Variants in NETO1 observed in about 807,000 individuals in gnomAD.
NETO1 encodes neuropilin and tolloid-like protein 1.
A neutral mutation model predicts 61.3 loss-of-function variants in NETO1; 26 were observed. The ratio of observed to expected loss-of-function variants is 0.42; its 90% confidence interval spans 0.31 to 0.59. The LOEUF is 0.59. NETO1 is among the 20% of genes least tolerant of loss of function. The pLI is 0.12. For missense variants in NETO1, 531 were observed against 662.8 expected (o/e 0.80, Z 2.18); for synonymous variants, 225 against 225.8 (o/e 1.00, Z 0.03).
intron 7 of NETO1, among the ~76,000 whole-genome samples, chr18:72,777,612 G>A (rs937419013): frequency 1.3e-5 from 2 of 151,598 alleles, no homozygotes; most frequent in South Asian, 2.1e-4. Flanking sequence ...GCGTGGTGGC[G>A]GGTGCCTGTA....
chr18:72,863,746 C>T (rs1227393040), intron 3 of NETO1, among the ~76,000 whole-genome samples: 1 of 151,958 alleles, frequency 6.6e-6, no homozygotes, highest in Non-Finnish European at 1.5e-5. Flanking sequence ...TAAATGTGTC[C>T]CCATTTATAA....
chr18:72,852,430 T>G (rs982563407), intron 4 of NETO1, among the ~76,000 whole-genome samples: 2 of 152,224 alleles, frequency 1.3e-5, no homozygotes, highest in Non-Finnish European at 2.9e-5. Context: ...TTAGCCACGA[T>G]GGTCTCCATC....
chr18:72,814,908 C>T (rs1366646483), intron 4 of NETO1, among the ~76,000 whole-genome samples: 1 of 151,470 alleles, frequency 6.6e-6, no homozygotes, highest in Non-Finnish European at 1.5e-5. Context: ...AAATCTACCA[C>T]CATAGGGACA....
Position 72,750,605 on chromosome 18 carries a change from C to G in NETO1, c.998G>C (p.Ser333Thr), listed in dbSNP as rs1170966740. 1.2e-6 allele frequency: 2 copies of G among 1,605,474 alleles called. No homozygotes were observed. The highest frequency in any genetic ancestry group is 1.7e-6 in the Non-Finnish European group (2 of 1,178,364). ...ENHCKEKRKT[S>T]LLDQLTNTSG... Reference sequence around the variant, plus strand: ...GGTGTTGGTCAGCTGGTCCAGCAGGCTGGTTTTCCTCTTCTCTATAGGTTG... The same window carrying G: ...GGTGTTGGTCAGCTGGTCCAGCAGGGTGGTTTTCCTCTTCTCTATAGGTTG... The change falls in exon 9 of 11, where the codon AGC (serine) becomes ACC (threonine). Residue 333 changes from serine to threonine, a missense_variant. Transcript: ENST00000327305.
At chr18:72,790,630 T>C (rs2072082802) in intron 6 of NETO1, among the ~76,000 whole-genome samples, 1 of 152,080 alleles carries the variant, frequency 6.6e-6, no homozygotes. Context: ...CAATCTCTGT[T>C]ATTAAAATAA....
chr18:72,825,463 T>C (rs1350145933), intron 4 of NETO1, among the ~76,000 whole-genome samples: 1 of 152,142 alleles, frequency 6.6e-6, no homozygotes, highest in East Asian at 1.9e-4. Context: ...TTTGGATCAA[T>C]TTTTATTAAT....
chr18:72,801,623 G>T (rs150163694), intron 4 of NETO1, among the ~76,000 whole-genome samples: 2 of 152,080 alleles, frequency 1.3e-5, no homozygotes, highest in African/African-American at 4.8e-5. Flanking sequence ...CCAGTAACCC[G>T]ATTTTTGTTC....
At chr18:72,792,574 G>A (rs941430625) in intron 6 of NETO1, among the ~76,000 whole-genome samples, 5 of 151,310 alleles carry the variant, frequency 3.3e-5, no homozygotes, top group African/African-American at 9.7e-5. Context: ...TGGAATTACC[G>A]CCACAGCTTC....
chr18:72,787,906 A>C (rs1179576034), intron 6 of NETO1, among the ~76,000 whole-genome samples: 2 of 152,176 alleles, frequency 1.3e-5, no homozygotes, highest in Admixed American at 1.3e-4. Context: ...AAATAAGCAA[A>C]GCAAAACTAT....
chr18:72,768,101 CT>C lies in NETO1; in HGVS notation c.869-11955del, dbSNP rs200642727. 8.6e-3 allele frequency among the ~76,000 whole-genome samples: 1,303 copies of C among 152,256 alleles called. 17 individuals are homozygous for C. Among genetic ancestry groups the C allele is most frequent in the African/African-American group, 0.029 (1,224 of 41,552 alleles). On this transcript the variant is annotated intron_variant, in intron 7 of 10. Coordinates refer to ENST00000327305, the MANE Select transcript of NETO1 (RefSeq NM_138966.5). ...TACACATTGTAATTCCATTTCAGAT[CT>C]TTTTCAAAAGCAAAACAATTTTCTG... is the stretch of plus-strand genomic sequence containing the variant.
At chr18:72,780,750 C>T (rs1238059446) in intron 7 of NETO1, among the ~76,000 whole-genome samples, 1 of 152,102 alleles carries the variant, frequency 6.6e-6, no homozygotes, top group African/African-American at 2.4e-5. Context: ...ACCTTTGAGA[C>T]CCATGAGACA....
At chr18:72,835,830 T>G (rs138142922) in intron 4 of NETO1, among the ~76,000 whole-genome samples, 1 of 152,320 alleles carries the variant, frequency 6.6e-6, no homozygotes, top group Non-Finnish European at 1.5e-5. Context: ...AACTAATGTT[T>G]GGAAAACACA....
At chr18:72,840,248 G>A (rs2073887995) in intron 4 of NETO1, among the ~76,000 whole-genome samples, 4 of 152,324 alleles carry the variant, frequency 2.6e-5, no homozygotes, top group Middle Eastern at 6.8e-3. Flanking sequence ...CACCAGATAA[G>A]ATTCTGAGGT....
chr18:72,803,398 G>A lies in NETO1; in HGVS notation c.470-8994C>T, dbSNP rs144426911. ...GGAAAATACACTAATGGATGTTAAT[G>A]TAACAGAATACAAAGAAATTCATCA... is the stretch of plus-strand genomic sequence containing the variant. On this transcript the variant is annotated intron_variant, in intron 4 of 10. Coordinates refer to ENST00000327305, the MANE Select transcript of NETO1 (RefSeq NM_138966.5). Among the ~76,000 whole-genome samples the A allele has an allele frequency of 2.1e-3, 314 of 152,298 alleles. 3 individuals carry two copies. Among genetic ancestry groups the A allele is most frequent in the African/African-American group, 7.4e-3 (307 of 41,568 alleles).
intron 3 of NETO1, among the ~76,000 whole-genome samples, chr18:72,861,889 C>T (rs1052440758): frequency 1.3e-5 from 2 of 152,192 alleles, no homozygotes; most frequent in Non-Finnish European, 2.9e-5. Flanking sequence ...TACTAACAAA[C>T]TCTTAATTGC....
At chr18:72,811,609 G>A (rs1263826603) in intron 4 of NETO1, among the ~76,000 whole-genome samples, 1 of 152,120 alleles carries the variant, frequency 6.6e-6, no homozygotes. Flanking sequence ...TTTGAGACCA[G>A]CCTAAGCAAC....
chr18:72,862,383 A>G (rs1406090273), intron 3 of NETO1, among the ~76,000 whole-genome samples: 1 of 152,212 alleles, frequency 6.6e-6, no homozygotes, highest in Non-Finnish European at 1.5e-5. Flanking sequence ...CATTTTCAGC[A>G]CACATCTATC....
rs2072231674 is a variant in NETO1 at position 72,794,121 on chromosome 18, G to A, written c.635C>T (p.Ser212Phe). Residue 212 changes from serine (S) to phenylalanine (F), a missense_variant, in exon 6 of 11, where the codon TCC becomes TTC. Transcript: ENST00000327305. ...GGGTTTCATCTTAAGACTGACCTTG[G>A]ACCGTGGAGGTGCTCGGATGTACCA... ...CKWYIRAPPR[S>F]KIYLRFLDYE... is the part of the protein sequence containing the mutation. The A allele has an allele frequency of 6.2e-7, 1 of 1,614,038 alleles. No individual in the cohort carries two copies. Among genetic ancestry groups the A allele is most frequent in the African/African-American group, 1.3e-5 (1 of 74,914 alleles).
intron 7 of NETO1, among the ~76,000 whole-genome samples, chr18:72,778,143 C>G (rs1411412914): frequency 6.6e-6 from 1 of 152,152 alleles, no homozygotes; most frequent in Non-Finnish European, 1.5e-5. Flanking sequence ...GGTTTTTCTC[C>G]TTCAACTCAT....
Sources: allele counts gnomAD v4.1 joint callset (sites outside exome capture counted in the v4.1 genomes callset), GRCh38; gene constraint gnomAD v4.1.1; transcripts MANE v1.5; gene names NCBI Gene and HGNC (gene_info 2026-07-23, HGNC 2026-07-21).